Variants in TBC1D2B observed in about 807,000 individuals in gnomAD.
The protein encoded by TBC1D2B is TBC1 domain family member 2B.
TBC1D2B carries 64 observed loss-of-function variants against 100.8 expected under a neutral mutation model. That is an observed-to-expected ratio of 0.64 (90% confidence interval 0.52 to 0.78). TBC1D2B has a LOEUF of 0.78. Among genes scored for constraint, TBC1D2B ranks in the 30% least tolerant of loss-of-function variants. TBC1D2B has a pLI of 0.00. For synonymous variants in TBC1D2B, 480 were observed against 479.7 expected, an observed-to-expected ratio of 1.00 and a Z score of -0.01; for missense variants, 1,052 against 1,218.4, an observed-to-expected ratio of 0.86 and a Z score of 2.03.
rs149863779 is a variant in TBC1D2B, at chr15:77,996,643, C to T, written c.*1517G>A. ...GTGGAGTTGGTTAAAGACACGAAGCCGGAGCTCACTCTAGCATGTGCTGAA... is the reference window on the plus strand; with the variant it reads ...GTGGAGTTGGTTAAAGACACGAAGCTGGAGCTCACTCTAGCATGTGCTGAA... On this transcript the variant is annotated 3_prime_UTR_variant, in exon 13 of 13. Transcript: ENST00000300584. 2.9e-4 allele frequency: 44 copies of T among 152,346 alleles called. No individual in the cohort carries two copies. The highest frequency in any genetic ancestry group is 8.9e-4 in the African/African-American group (37 of 41,580). The allele number at this position is 152,346 out of a possible 1,614,324, so 9.4% of individuals were successfully genotyped here.
At chr15:78,013,476 T>C (rs1252416021) in intron 8 of TBC1D2B, among the ~76,000 whole-genome samples, 159 bp from the exon 9 acceptor site, 2 of 152,214 alleles carry the variant, frequency 1.3e-5, no homozygotes, top group East Asian at 3.8e-4. Context: ...GACTTCTCAG[T>C]ATATAAAGCT....
At chr15:78,052,097 A>G (rs1350451884) in intron 2 of TBC1D2B, among the ~76,000 whole-genome samples, 2 of 152,146 alleles carry the variant, frequency 1.3e-5, no homozygotes, top group Non-Finnish European at 2.9e-5. Flanking sequence ...TCTGGGTCCC[A>G]GGTGTGCCCC....
At chr15:78,011,435 C>T (rs1402812822) in intron 9 of TBC1D2B, among the ~76,000 whole-genome samples, 1 of 151,696 alleles carries the variant, frequency 6.6e-6, no homozygotes, top group Admixed American at 6.6e-5. Flanking sequence ...CTAAGGTACA[C>T]ATGCAGAACT....
chr15:77,999,432 A>G (rs775254864), intron 12 of TBC1D2B: 16 of 344,338 alleles, frequency 4.6e-5, no homozygotes, highest in Non-Finnish European at 9.6e-5. Context: ...AAGGTCAGAA[A>G]GGCCAGCTTT....
chr15:78,034,258 C>T (rs62011483), intron 3 of TBC1D2B, among the ~76,000 whole-genome samples: 8,136 of 152,278 alleles, frequency 0.053, 275 homozygotes, highest in Middle Eastern at 0.13. Context: ...TTCAAAATAG[C>T]TGCTCAAAAA....
intron 3 of TBC1D2B, among the ~76,000 whole-genome samples, chr15:78,040,822 A>AG (rs1408140557): frequency 7.4e-6 from 1 of 135,438 alleles, no homozygotes; most frequent in African/African-American, 2.7e-5. Flanking sequence ...AAAGCAAGAA[A>AG]GAAGGAAAGA....
At chr15:78,023,670 T>C (rs2072575206) in intron 6 of TBC1D2B, among the ~76,000 whole-genome samples, 1 of 152,208 alleles carries the variant, frequency 6.6e-6, no homozygotes, top group South Asian at 2.1e-4. Context: ...GGGCACTGAC[T>C]CTGAACAGGC....
rs1390349477 is a variant in TBC1D2B, at chr15:77,995,533, C to T, written c.*2627G>A. 6.6e-6 allele frequency: 1 copy of T among 152,068 alleles called. No homozygotes were observed. Among genetic ancestry groups the T allele is most frequent in the Admixed American group, 6.6e-5 (1 of 15,250 alleles). The allele number at this position is 152,068 out of a possible 1,614,324, so 9.4% of individuals were successfully genotyped here. On this transcript the variant is annotated 3_prime_UTR_variant, in exon 13 of 13. Transcript: ENST00000300584. ...GGCACAGATACACACAAGGGAGTCA[C>T]ACACATAACATAATAACTTGTTATA...
chr15:77,998,419 C>T, intron 12 of TBC1D2B, 64 bp from the exon 13 acceptor site: 2 of 1,445,186 alleles, frequency 1.4e-6, no homozygotes, highest in Non-Finnish European at 1.9e-6. Flanking sequence ...CACACACAGC[C>T]CTCACAGGCA....
In TBC1D2B at chr15:78,008,806, C is replaced by A. The variant is rs2072143520; in HGVS notation, c.2388+191G>T. ...TTCGCAGGGGGCTGAATGAGCCCAA[C>A]TCGGCCTCAGTCACAAACAGCAGGC... On this transcript the variant is annotated intron_variant, in intron 10 of 12. Transcript: ENST00000300584. 2.0e-5 allele frequency among the ~76,000 whole-genome samples: 3 copies of A among 152,224 alleles called. No homozygotes were observed. In the South Asian group the frequency reaches 6.2e-4, roughly 31 times the overall value.
intron 1 of TBC1D2B, among the ~76,000 whole-genome samples, chr15:78,076,055 C>T (rs182731197): frequency 3.3e-4 from 51 of 152,242 alleles, no homozygotes; most frequent in Non-Finnish European, 6.9e-4. Context: ...AGAAACCAGG[C>T]AGGGAGCAAA....
intron 7 of TBC1D2B, chr15:78,017,219 TCTG>T (rs2072399150): frequency 6.4e-6 from 1 of 155,164 alleles, no homozygotes; most frequent in Non-Finnish European, 1.4e-5. Flanking sequence ...TGCTTCAAGT[TCTG>T]TTCAAAAAAG....
At chr15:78,070,848 G>C (rs1005528730) in intron 1 of TBC1D2B, among the ~76,000 whole-genome samples, 2 of 152,108 alleles carry the variant, frequency 1.3e-5, no homozygotes, top group African/African-American at 4.8e-5. Flanking sequence ...TTGAGACAGA[G>C]TTTCGCTCTT....
At chr15:78,042,573 T>C (rs2073112232) in intron 3 of TBC1D2B, among the ~76,000 whole-genome samples, 1 of 152,220 alleles carries the variant, frequency 6.6e-6, no homozygotes, top group African/African-American at 2.4e-5. Context: ...TCAGTGGTTC[T>C]CAAGCTGCAG....
At chr15:78,006,221 T>C (rs1238016501) in intron 10 of TBC1D2B, among the ~76,000 whole-genome samples, 10 of 152,228 alleles carry the variant, frequency 6.6e-5, no homozygotes, top group Admixed American at 6.5e-4. Flanking sequence ...TTCATTTTTC[T>C]TATTCTGAAA....
intron 8 of TBC1D2B, 100 bp from the exon 9 acceptor site, chr15:78,013,417 G>A (rs1596309798): frequency 8.9e-7 from 1 of 1,128,150 alleles, no homozygotes; most frequent in Admixed American, 2.8e-5. Flanking sequence ...TCAGGCACAC[G>A]TGGTACTTTG....
chr15:78,055,068 A>C (rs2073392720), intron 1 of TBC1D2B, among the ~76,000 whole-genome samples: 1 of 152,174 alleles, frequency 6.6e-6, no homozygotes, highest in African/African-American at 2.4e-5. Context: ...AAGAAGCCTG[A>C]CCCAAATGGT....
intron 1 of TBC1D2B, among the ~76,000 whole-genome samples, chr15:78,059,665 G>A (rs2141822311): frequency 6.6e-6 from 1 of 152,190 alleles, no homozygotes; most frequent in Non-Finnish European, 1.5e-5. Context: ...GCTCCCACAA[G>A]CTGCTGTCCC....
chr15:78,026,658 G>A (rs181759170), intron 4 of TBC1D2B, among the ~76,000 whole-genome samples: 12 of 152,308 alleles, frequency 7.9e-5, no homozygotes, highest in East Asian at 1.9e-4. Context: ...GCTCACGCCT[G>A]TAATCCCAGC....
Sources: gnomAD v4.1 joint callset for allele counts (sites outside exome capture counted in the v4.1 genomes callset) on GRCh38, gnomAD v4.1.1 for gene constraint, MANE v1.5 for transcripts, NCBI Gene and HGNC (gene_info 2026-07-23, HGNC 2026-07-21) for gene names.